Variants in PCDH19 observed in about 807,000 individuals in gnomAD.
PCDH19 encodes protocadherin 19.
PCDH19 carries 6 observed loss-of-function variants against 46.2 expected under a neutral mutation model. The observed-to-expected ratio is 0.13, with a 90% CI of 0.07 to 0.26. PCDH19 has a LOEUF of 0.26. Among genes scored for constraint, PCDH19 ranks in the 10% least tolerant of loss-of-function variants. The pLI, the probability that PCDH19 is intolerant of heterozygous loss-of-function variation, is 1.00. For missense variants in PCDH19, 740 were observed against 972.3 expected, an observed-to-expected ratio of 0.76 and a Z score of 3.18; for synonymous variants, 481 against 415.7, an observed-to-expected ratio of 1.16 and a Z score of -1.91.
rs371109150 is a variant in PCDH19 at position 100,296,749 on chromosome X, G to A, written c.2975C>T (p.Ala992Val). The change falls in exon 6 of 6, where the codon GCG becomes GTG. Residue 992 changes from alanine (A) to valine (V), a missense_variant. Around this residue, in one of 5 missense-constraint regions of PCDH19, gnomAD observed 416 missense variants for 476.8 expected, o/e 0.87. Transcript: ENST00000373034. ...AGCAGCAGTAGCTTCAATAGACAGC[G>A]CGATGATGTTCCTCACATGCTCAGG... ...KSPEHVRNII[A>V]LSIEATAADV... 9.1e-6 allele frequency: 11 copies of A among 1,209,235 alleles called. No homozygotes were observed. The highest frequency in any genetic ancestry group is 8.8e-5 in the African/African-American group (5 of 57,029).
intron 3 of PCDH19, among the ~76,000 whole-genome samples, chrX:100,367,701 A>C (rs920267904): frequency 3.6e-5 from 4 of 111,493 alleles, no homozygotes; most frequent in Non-Finnish European, 1.9e-5. Flanking sequence ...TAAAGGCTCC[A>C]CCTTTTAATA....
intron 3 of PCDH19, among the ~76,000 whole-genome samples, chrX:100,398,096 G>A (rs982181251): frequency 1.8e-5 from 2 of 110,907 alleles, no homozygotes; most frequent in Non-Finnish European, 3.8e-5. Flanking sequence ...ACCAAGGAAT[G>A]CAAACCTCAC....
At chrX:100,353,990 G>A (rs1353398043) in intron 3 of PCDH19, among the ~76,000 whole-genome samples, 2 of 111,928 alleles carry the variant, frequency 1.8e-5, no homozygotes, top group Non-Finnish European at 3.8e-5. Context: ...GTCTCTTTGT[G>A]AGGCAGTTGG....
intron 3 of PCDH19, among the ~76,000 whole-genome samples, chrX:100,376,274 A>C (rs1283599608): frequency 1.9e-5 from 2 of 103,355 alleles, no homozygotes; most frequent in Admixed American, 2.1e-4. Flanking sequence ...AGAAAAAAGA[A>C]AAGACAGATA....
intron 5 of PCDH19, among the ~76,000 whole-genome samples, chrX:100,318,393 A>AATG (rs1281981106): frequency 8.9e-6 from 1 of 112,230 alleles, no homozygotes; most frequent in Non-Finnish European, 1.9e-5. Flanking sequence ...AGGTATTATT[A>AATG]TTCATCAAGC....
At position 100,406,497 on chromosome X, in the gene PCDH19, T is replaced by G; in HGVS notation, c.2101A>C (p.Ile701Leu). Residue 701 changes from isoleucine (I) to leucine (L), a missense_variant, in exon 1 of 6, where the codon ATC becomes CTC. Transcript: ENST00000373034. ...TCTTTGTTGTCTCGCTTGCACTTGA[T>G]TGCCACGAAGATCATAGTTACAAAG... is the stretch of plus-strand genomic sequence containing the variant. ...ILFVTMIFVA[I>L]KCKRDNKEIR... The G allele has an allele frequency of 8.3e-7, 1 of 1,208,278 alleles. No homozygotes were observed. The highest frequency in any genetic ancestry group is 1.1e-6 in the Non-Finnish European group (1 of 893,650).
chrX:100,380,739 C>T (rs192051478), intron 3 of PCDH19, among the ~76,000 whole-genome samples: 1 of 112,312 alleles, frequency 8.9e-6, no homozygotes, highest in African/African-American at 3.2e-5. Flanking sequence ...ATGCCACAGC[C>T]TGCTTTCTGC....
At chrX:100,306,584 T>C (rs1194688911) in intron 5 of PCDH19, among the ~76,000 whole-genome samples, 1 of 107,363 alleles carries the variant, frequency 9.3e-6, no homozygotes, top group African/African-American at 3.4e-5. Flanking sequence ...CTAAATGAAA[T>C]TGAAACAAAA....
At chrX:100,304,972 A>T (rs1460813689) in intron 5 of PCDH19, among the ~76,000 whole-genome samples, 1 of 112,600 alleles carries the variant, frequency 8.9e-6, no homozygotes, top group Non-Finnish European at 1.9e-5. Context: ...AAGGAAGAAG[A>T]GAAATCTAAA....
intron 5 of PCDH19, among the ~76,000 whole-genome samples, chrX:100,302,868 T>G (rs1326750964): frequency 1.1e-4 from 12 of 111,872 alleles, no homozygotes; most frequent in Non-Finnish European, 2.1e-4. Context: ...TAGTTTAATT[T>G]AATTGAATGA....
intron 5 of PCDH19, among the ~76,000 whole-genome samples, chrX:100,334,781 G>A (rs866636958): frequency 1.0e-5 from 1 of 95,380 alleles, no homozygotes; most frequent in African/African-American, 3.8e-5. Flanking sequence ...TGTGTGTATA[G>A]TGTGTGTGTG....
intron 5 of PCDH19, among the ~76,000 whole-genome samples, chrX:100,310,910 G>C (rs1208945396): frequency 2.7e-5 from 3 of 109,337 alleles, no homozygotes; most frequent in African/African-American, 1.0e-4. Flanking sequence ...GAGTGCAATA[G>C]TGCAATCATA....
At chrX:100,395,823 G>T (rs892271286) in intron 3 of PCDH19, among the ~76,000 whole-genome samples, 2 of 113,067 alleles carry the variant, frequency 1.8e-5, no homozygotes, top group Admixed American at 1.9e-4. Context: ...CCACTATGCA[G>T]CCCACACAAA....
intron 5 of PCDH19, among the ~76,000 whole-genome samples, chrX:100,301,177 G>A (rs1449307432): frequency 9.0e-6 from 1 of 111,633 alleles, no homozygotes; most frequent in Non-Finnish European, 1.9e-5. Context: ...CCCCACCAAA[G>A]TAATAAAAGA....
intron 1 of PCDH19, among the ~76,000 whole-genome samples, chrX:100,405,030 T>A (rs1928303559): frequency 8.9e-6 from 1 of 112,357 alleles, no homozygotes; most frequent in African/African-American, 3.2e-5. Context: ...GCAGCTGCTC[T>A]TTTATGGCAC....
At position 100,350,680 on chromosome X, in the gene PCDH19, T is replaced by G. The variant is rs373996202; in HGVS notation, c.2641A>C (p.Asn881His). The change falls in exon 4 of 6, where the codon AAC becomes CAC. Residue 881 changes from asparagine to histidine, a missense_variant. Physicochemically the swap from Asn to His is moderately conservative, Grantham distance 68. Coordinates refer to ENST00000373034, the MANE Select transcript of PCDH19 (RefSeq NM_001184880.2). ...PETENYSFDS[N>H]YVNSRAHLIK... The stretch of plus-strand genomic sequence containing the variant: ...AAATGGGCTCGGCTATTCACGTAGT[T>G]GGAGTCAAAAGAATAGTTTTCAGTC... 1.3e-5 allele frequency: 16 copies of G among 1,187,405 alleles called. No individual in the cohort carries two copies. The South Asian group carries it at 2.7e-4, about 20-fold the overall frequency.
intron 3 of PCDH19, among the ~76,000 whole-genome samples, chrX:100,375,544 G>A (rs748317467): frequency 5.3e-5 from 6 of 112,217 alleles, no homozygotes; most frequent in Admixed American, 9.4e-5. Context: ...GAATCGTGCC[G>A]CAATAAACAT....
intron 3 of PCDH19, among the ~76,000 whole-genome samples, chrX:100,386,771 T>C (rs1927726878): frequency 8.9e-6 from 1 of 112,054 alleles, no homozygotes; most frequent in African/African-American, 3.2e-5. Context: ...CCTTCTTTCA[T>C]GCCCACTCAC....
Position 100,296,302 on chromosome X carries a change from T to C in PCDH19, c.3422A>G (p.Lys1141Arg), listed in dbSNP as rs1446535990. The C allele has an allele frequency of 1.7e-6, 2 of 1,210,622 alleles. No individual in the cohort carries two copies. The highest frequency in any genetic ancestry group is 2.2e-6 in the Non-Finnish European group (2 of 894,257). The part of the protein sequence containing the change: ...EGRNKESPGV[K>R]RLKDIVL Reference sequence around the variant, plus strand: ...TTAGAGAACGATATCCTTCAGACGCTTCACACCAGGGGACTCTTTGTTGCG... The same window carrying C: ...TTAGAGAACGATATCCTTCAGACGCCTCACACCAGGGGACTCTTTGTTGCG... The change falls in exon 6 of 6, where the codon AAG becomes AGG. Residue 1141 changes from lysine to arginine, a missense_variant. Around this residue, in one of 5 missense-constraint regions of PCDH19, gnomAD observed 416 missense variants for 476.8 expected, o/e 0.87. Transcript: ENST00000373034.
Sources: gnomAD v4.1 joint callset for allele counts (sites outside exome capture counted in the v4.1 genomes callset) on GRCh38, gnomAD v4.1.1 for gene constraint, gnomAD v4.1.1 regional missense constraint, MANE v1.5 for transcripts, NCBI Gene and HGNC (gene_info 2026-07-23, HGNC 2026-07-21) for gene names.